CSMD1: variants seen among roughly 807,000 people sequenced by gnomAD.
CSMD1 encodes the protein CUB and sushi domain-containing protein 1.
A neutral mutation model predicts 417.5 loss-of-function variants in CSMD1; 213 were observed. That is an observed-to-expected ratio of 0.51 (90% CI 0.46 to 0.57). The LOEUF (loss-of-function observed/expected upper bound fraction) is 0.57. Ranked by LOEUF, CSMD1 falls within the 20% of genes least tolerant of loss-of-function variation. The pLI is 0.00. For missense variants in CSMD1, 6,923 were observed against 4,529.7 expected (o/e 1.53, Z -15.17); for synonymous variants, 2,862 against 1,736.8 (o/e 1.65, Z -16.11).
intron 1 of CSMD1, among the ~76,000 whole-genome samples, chr8:4,938,629 T>A (rs777638065): frequency 1.3e-5 from 2 of 151,990 alleles, no homozygotes; most frequent in South Asian, 2.1e-4. Context: ...CACATTTACA[T>A]AAACACGTAG....
At chr8:4,342,223 G>A (rs200709494) in intron 3 of CSMD1, among the ~76,000 whole-genome samples, 56 of 11,436 alleles carry the variant, frequency 4.9e-3, no homozygotes, top group African/African-American at 0.024. Flanking sequence ...GTGTGTGTGT[G>A]TGTGTGTGTC....
chr8:4,260,969 C>G lies in CSMD1; in HGVS notation c.415+158984G>C, dbSNP rs180759797. On this transcript the variant is annotated intron_variant, in intron 3 of 69. Coordinates refer to ENST00000635120, the MANE Select transcript of CSMD1 (RefSeq NM_033225.6). ...TCTACTCTACCTTTACTCTCATTGA[C>G]TTGCCTCTTTTGTAAACAACGTATC... 2.6e-5 allele frequency among the ~76,000 whole-genome samples: 4 copies of G among 152,232 alleles called. No homozygotes were observed. The East Asian group carries it at 7.7e-4, about 29-fold the overall frequency.
chr8:4,268,700 T>A (rs1163637607), intron 3 of CSMD1, among the ~76,000 whole-genome samples: 2 of 151,976 alleles, frequency 1.3e-5, no homozygotes, highest in Non-Finnish European at 2.9e-5. Context: ...GTATCTCAAT[T>A]TTTTTTGAAG....
At chr8:4,599,980 G>C (rs897910722) in intron 2 of CSMD1, among the ~76,000 whole-genome samples, 1 of 152,148 alleles carries the variant, frequency 6.6e-6, no homozygotes, top group African/African-American at 2.4e-5. Context: ...CTCCATGGAG[G>C]TGTTCACTGT....
intron 5 of CSMD1, among the ~76,000 whole-genome samples, chr8:3,771,457 G>C (rs2897574): frequency 0.33 from 50,118 of 152,042 alleles, 8,724 homozygotes; most frequent in Admixed American, 0.39. Flanking sequence ...AGTTGCTGGT[G>C]GGGGGGCAAG....
Position 4,504,855 on chromosome 8 carries a change from G to A in CSMD1, c.303-84790C>T, listed in dbSNP as rs971385762. On this transcript the variant is annotated intron_variant, in intron 2 of 69. Coordinates refer to ENST00000635120, the MANE Select transcript of CSMD1 (RefSeq NM_033225.6). ...GCATAGTATTCCATGATATATATGT[G>A]CCATATTTTCTCTATCCAGTCTGTC... Among the ~76,000 whole-genome samples the A allele has an allele frequency of 1.6e-4, 24 of 152,230 alleles. 1 individual carries two copies. Among genetic ancestry groups the A allele is most frequent in the Middle Eastern group, 6.8e-3 (2 of 294 alleles).
chr8:4,602,050 T>C (rs1042344349), intron 2 of CSMD1, among the ~76,000 whole-genome samples: 1 of 152,156 alleles, frequency 6.6e-6, no homozygotes, highest in African/African-American at 2.4e-5. Context: ...GAAGAATGAA[T>C]ATAGAAATAG....
rs1407744154 is a variant in CSMD1, at chr8:3,439,281, G to GTGTGTATATATATATATA, written c.1561+29430_1561+29431insTATATATATATATACACA. Reference sequence around the variant, plus strand: ...TATTTGAGAGCATTTGGCAATGTCAGTATATATATATATATATATATATAT... The same window carrying GTGTGTATATATATATATA: ...TATTTGAGAGCATTTGGCAATGTCAGTGTGTATATATATATATATATATATATATATATATATATATAT... On this transcript the variant is annotated intron_variant, in intron 12 of 69. Coordinates refer to ENST00000635120, the MANE Select transcript of CSMD1 (RefSeq NM_033225.6). 7.2e-4 allele frequency among the ~76,000 whole-genome samples: 39 copies of GTGTGTATATATATATATA among 54,308 alleles called. 1 individual carries two copies. The highest frequency in any genetic ancestry group is 7.2e-4 in the Non-Finnish European group (22 of 30,736). The allele number at this position is 54,308 out of a possible 152,430, so 35.6% of individuals were successfully genotyped here. A position where few individuals can be genotyped will look rare whatever the true frequency, so the allele number is the denominator to read the frequency against.
At chr8:4,064,541 G>A (rs1342493847) in intron 3 of CSMD1, among the ~76,000 whole-genome samples, 1 of 152,168 alleles carries the variant, frequency 6.6e-6, no homozygotes, top group East Asian at 1.9e-4. Flanking sequence ...CCCATGAGGG[G>A]TGCATCGATG....
At chr8:4,680,309 T>G (rs925934640) in intron 1 of CSMD1, among the ~76,000 whole-genome samples, 1 of 152,176 alleles carries the variant, frequency 6.6e-6, no homozygotes, top group African/African-American at 2.4e-5. Context: ...GAAAAAGTAA[T>G]ATGAATCAAA....
chr8:4,633,700 A>G, intron 2 of CSMD1, among the ~76,000 whole-genome samples: 1 of 152,022 alleles, frequency 6.6e-6, no homozygotes, highest in East Asian at 1.9e-4. Flanking sequence ...GGACTTACAG[A>G]TGCCTGCCAC....
chr8:3,087,058 C>G (rs1447064286), intron 49 of CSMD1, 39 bp downstream of exon 49: 2 of 1,553,332 alleles, frequency 1.3e-6, no homozygotes. Context: ...GAGAGCAATA[C>G]ACAGGAAACA....
chr8:4,303,417 A>T (rs1798083343), intron 3 of CSMD1, among the ~76,000 whole-genome samples: 1 of 133,854 alleles, frequency 7.5e-6, no homozygotes, highest in Non-Finnish European at 1.6e-5. Flanking sequence ...ATTGGGCAGG[A>T]AGCTGTTTTT....
intron 1 of CSMD1, among the ~76,000 whole-genome samples, chr8:4,900,008 A>T (rs1385837852): frequency 2.0e-5 from 3 of 152,074 alleles, no homozygotes; most frequent in Non-Finnish European, 4.4e-5. Flanking sequence ...CTGTTGCTTT[A>T]ATCTATTCTC....
At chr8:4,416,472 T>C (rs975701928) in intron 3 of CSMD1, among the ~76,000 whole-genome samples, 1 of 152,098 alleles carries the variant, frequency 6.6e-6, no homozygotes, top group African/African-American at 2.4e-5. Context: ...AACACGTGCA[T>C]TAAAATTGAT....
chr8:4,138,536 G>C (rs1039905206), intron 3 of CSMD1, among the ~76,000 whole-genome samples: 2 of 152,084 alleles, frequency 1.3e-5, no homozygotes, highest in Non-Finnish European at 2.9e-5. Context: ...TGAGGAAAGT[G>C]ATGGCTATTT....
chr8:3,749,280 C>A (rs62481007), intron 6 of CSMD1, among the ~76,000 whole-genome samples: 48,113 of 151,912 alleles, frequency 0.32, 7,828 homozygotes, highest in Admixed American at 0.36. Flanking sequence ...CAACCACAGC[C>A]CAATATATAC....
Position 3,534,438 on chromosome 8 carries a change from C to G in CSMD1, c.1344+40507G>C, listed in dbSNP as rs7010890. On this transcript the variant is annotated intron_variant, in intron 10 of 69. Transcript: ENST00000635120. ...CTCTCCTTTGTTTTGGGCAAAGTGCCTATCAGCATGTGAGGATCACACTTA... is the reference window on the plus strand; with the variant it reads ...CTCTCCTTTGTTTTGGGCAAAGTGCGTATCAGCATGTGAGGATCACACTTA... Among the ~76,000 whole-genome samples the G allele has an allele frequency of 4.0e-4, 60 of 150,758 alleles. 1 individual carries two copies. The East Asian group carries it at 4.1e-3, about 10-fold the overall frequency.
intron 3 of CSMD1, among the ~76,000 whole-genome samples, chr8:4,208,170 T>A (rs904349035): frequency 6.6e-6 from 1 of 152,132 alleles, no homozygotes; most frequent in East Asian, 1.9e-4. Context: ...GAGGCTAAGG[T>A]GTTAGAAATG....
Sources: allele counts gnomAD v4.1 joint callset (sites outside exome capture counted in the v4.1 genomes callset), GRCh38; gene constraint gnomAD v4.1.1; transcripts MANE v1.5; gene names NCBI Gene and HGNC (gene_info 2026-07-23, HGNC 2026-07-21).